Variants in CACNA1D observed in about 807,000 individuals in gnomAD.
CACNA1D encodes calcium voltage-gated channel subunit alpha1 D.
Under a neutral mutation model 257.1 loss-of-function variants are expected in CACNA1D, and 55 were observed. The observed-to-expected ratio is 0.21, with a 90% CI of 0.17 to 0.27. The LOEUF (loss-of-function observed/expected upper bound fraction) is 0.27. CACNA1D is among the 10% of genes least tolerant of loss of function. CACNA1D has a pLI of 1.00. For synonymous variants in CACNA1D, 980 were observed against 1,014.9 expected (o/e 0.97, Z 0.65); for missense variants, 1,876 against 2,784.0 (o/e 0.67, Z 7.34).
At chr3:53,531,218 C>A (rs1205220812) in intron 3 of CACNA1D, among the ~76,000 whole-genome samples, 1 of 152,128 alleles carries the variant, frequency 6.6e-6, no homozygotes, top group Non-Finnish European at 1.5e-5. Context: ...ACTAACTAAT[C>A]AAGCTCCCCG....
chr3:53,802,149 C>T lies in CACNA1D; in HGVS notation c.5411C>T (p.Thr1804Ile), dbSNP rs1195153415. The change falls in exon 43 of 48, where the codon ACC becomes ATC. Residue 1804 changes from threonine (T) to isoleucine (I), a missense_variant and splice_region_variant. Coordinates refer to ENST00000350061, the MANE Select transcript of CACNA1D (RefSeq NM_001128840.3). The stretch of plus-strand genomic sequence containing the variant: ...CATGTTATGCCTTTCCTGGATAGAA[C>T]CCGCTATTATGAAACTTACATTAGG... Reference protein sequence around the residue: ...EPQRRSSVKRTRYYETYIRSD... With the variant: ...EPQRRSSVKRIRYYETYIRSD... The T allele has an allele frequency of 3.1e-6, 5 of 1,607,826 alleles. No individual in the cohort carries two copies. Among genetic ancestry groups the T allele is most frequent in the Admixed American group, 1.7e-5 (1 of 60,010 alleles).
rs745379545 is a variant in CACNA1D at position 53,811,236 on chromosome 3, C to G, written c.6316C>G (p.Leu2106Val). The change falls in exon 48 of 48, where the codon CTG becomes GTG. Residue 2106 changes from leucine to valine, a missense_variant. Leu to Val is a conservative substitution (Grantham distance 32, BLOSUM62 1). Transcript: ENST00000350061. The surrounding 1 kb of genome is among the most constrained non-coding windows in gnomAD (Gnocchi z 4.2). ...CGAGATGGAGAGTGCAGCCAGCACC[C>G]TGCTTAATGGGAACGTGCGTCCCCG... ...IDEMESAAST[L>V]LNGNVRPRAN... The G allele has an allele frequency of 1.2e-6, 2 of 1,614,082 alleles. No individual in the cohort carries two copies. Among genetic ancestry groups the G allele is most frequent in the South Asian group, 2.2e-5 (2 of 91,086 alleles).
chr3:53,727,557 C>T lies in CACNA1D; in HGVS notation c.2221+558C>T, dbSNP rs139302557. The stretch of plus-strand genomic sequence containing the variant: ...GCCTTACTTTACCCCTTTTCCCTGT[C>T]GAGAGGCACCCTCTAATCCTAGACT... On this transcript the variant is annotated intron_variant, in intron 15 of 47. Transcript: ENST00000350061. 7.9e-5 allele frequency among the ~76,000 whole-genome samples: 12 copies of T among 152,170 alleles called. No individual in the cohort carries two copies. The East Asian group carries it at 1.2e-3, about 15-fold the overall frequency.
At chr3:53,600,911 G>A (rs1216289457) in intron 3 of CACNA1D, among the ~76,000 whole-genome samples, 1 of 152,164 alleles carries the variant, frequency 6.6e-6, no homozygotes, top group Non-Finnish European at 1.5e-5. Flanking sequence ...TCCCGTACAT[G>A]TCCTCTGTGC....
rs186730939 is a variant in CACNA1D at position 53,557,454 on chromosome 3, A to C, written c.483+55734A>C. Among the ~76,000 whole-genome samples the C allele has an allele frequency of 5.5e-4, 83 of 152,190 alleles. 1 individual carries two copies. The East Asian group carries it at 0.016, about 29-fold the overall frequency. On this transcript the variant is annotated intron_variant, in intron 3 of 47. Coordinates refer to ENST00000350061, the MANE Select transcript of CACNA1D (RefSeq NM_001128840.3). ...GGTTGCAGTGAGCCGAGATTGCGCC[A>C]TTGCACTCCAGCCTGGGCGACAAGA...
intron 3 of CACNA1D, among the ~76,000 whole-genome samples, chr3:53,538,601 T>C (rs1178944680): frequency 6.6e-6 from 1 of 152,214 alleles, no homozygotes; most frequent in Non-Finnish European, 1.5e-5. Flanking sequence ...ATCATCCCCC[T>C]TGTGGTAGTG....
intron 20 of CACNA1D, 117 bp downstream of exon 20, chr3:53,735,620 T>C: frequency 8.6e-7 from 1 of 1,157,738 alleles, no homozygotes; most frequent in Non-Finnish European, 1.3e-6. Context: ...AGGTCTTTCC[T>C]TCAGCTGGGG....
At chr3:53,696,356 G>C (rs1161198260) in intron 8 of CACNA1D, among the ~76,000 whole-genome samples, 1 of 152,200 alleles carries the variant, frequency 6.6e-6, no homozygotes, top group East Asian at 1.9e-4. Flanking sequence ...GTGTTGAGGT[G>C]CTTAGGGTAG....
At chr3:53,516,856 T>C (rs1032693271) in intron 3 of CACNA1D, among the ~76,000 whole-genome samples, 1 of 152,176 alleles carries the variant, frequency 6.6e-6, no homozygotes, top group Non-Finnish European at 1.5e-5. Context: ...CTTAAATGAC[T>C]CTTTGCTGAG....
In CACNA1D at chr3:53,571,609, G is replaced by A. The variant is rs894554896; in HGVS notation, c.483+69889G>A. ...GGGAGGCTGGGATAGAGGTGGGGGA[G>A]CTGGAAAAGGATGGGCCACCTCTGT... On this transcript the variant is annotated intron_variant, in intron 3 of 47. Coordinates refer to ENST00000350061, the MANE Select transcript of CACNA1D (RefSeq NM_001128840.3). Among the ~76,000 whole-genome samples the A allele has an allele frequency of 2.6e-5, 4 of 152,238 alleles. No homozygotes were observed. In the East Asian group the frequency reaches 5.8e-4, roughly 22 times the overall value.
chr3:53,721,906 C>G (rs936031245), intron 11 of CACNA1D, among the ~76,000 whole-genome samples: 2 of 152,148 alleles, frequency 1.3e-5, no homozygotes, highest in African/African-American at 2.4e-5. Context: ...CGAAGTGGCT[C>G]TCTGCACTGA....
chr3:53,745,948 C>A, intron 25 of CACNA1D, 73 bp downstream of exon 25: 1 of 1,204,818 alleles, frequency 8.3e-7, no homozygotes. Flanking sequence ...CACATGTTGG[C>A]ACGTCAGAAG....
chr3:53,686,050 A>C (rs904899174), intron 8 of CACNA1D, among the ~76,000 whole-genome samples: 1 of 152,100 alleles, frequency 6.6e-6, no homozygotes, highest in Admixed American at 6.5e-5. Context: ...GAAAGAGGAG[A>C]TACCACAGAT....
intron 3 of CACNA1D, among the ~76,000 whole-genome samples, chr3:53,534,801 T>C (rs1328969642): frequency 1.3e-5 from 2 of 152,234 alleles, no homozygotes; most frequent in East Asian, 3.8e-4. Context: ...ATATGTCTTT[T>C]CATACACATA....
At chr3:53,809,281 G>A (rs2095583768) in intron 46 of CACNA1D, 2 of 168,864 alleles carry the variant, frequency 1.2e-5, no homozygotes, top group South Asian at 3.1e-4. Context: ...GAGGGCGGCT[G>A]CACAGGCAAG....
rs79245780 is a variant in CACNA1D at position 53,585,891 on chromosome 3, G to C, written c.484-64888G>C. On this transcript the variant is annotated intron_variant, in intron 3 of 47. Coordinates refer to ENST00000350061, the MANE Select transcript of CACNA1D (RefSeq NM_001128840.3). ...AACTGAAGCTCACACAGGCAGGCAG[G>C]GGGAAGGCCTGGGAGAGAACTTTCA... Among the ~76,000 whole-genome samples the C allele has an allele frequency of 7.3e-3, 1,108 of 152,268 alleles. 19 individuals carry two copies. Among genetic ancestry groups the C allele is most frequent in the African/African-American group, 0.025 (1,024 of 41,560 alleles).
chr3:53,587,000 G>A (rs553310517), intron 3 of CACNA1D, among the ~76,000 whole-genome samples: 2 of 152,266 alleles, frequency 1.3e-5, no homozygotes, highest in Non-Finnish European at 2.9e-5. Context: ...AGAGAGTCAG[G>A]AAGATTGTCC....
intron 32 of CACNA1D, among the ~76,000 whole-genome samples, chr3:53,772,452 G>A (rs147722842): frequency 1.3e-5 from 2 of 152,312 alleles, no homozygotes; most frequent in African/African-American, 4.8e-5. Context: ...GAAAGTGGAA[G>A]TACTCTAAAT....
At chr3:53,544,203 A>G (rs1275996692) in intron 3 of CACNA1D, among the ~76,000 whole-genome samples, 1 of 152,190 alleles carries the variant, frequency 6.6e-6, no homozygotes, top group East Asian at 1.9e-4. Context: ...TCTTGTCCCA[A>G]AGTGTCCCCT....
Sources: gnomAD v4.1 joint callset for allele counts (sites outside exome capture counted in the v4.1 genomes callset) on GRCh38, gnomAD v4.1.1 for gene constraint, Gnocchi (gnomAD v3.1) non-coding constraint, MANE v1.5 for transcripts, NCBI Gene and HGNC (gene_info 2026-07-23, HGNC 2026-07-21) for gene names.